The following TFB1M variants were observed in gnomAD, a reference collection of about 807,000 sequenced individuals.
TFB1M encodes the protein dimethyladenosine transferase 1, mitochondrial.
In TFB1M, 27 loss-of-function variants were observed where a neutral mutation model predicts 31.1. That is an observed-to-expected ratio of 0.87 (90% CI 0.64 to 1.20). The LOEUF is 1.20. TFB1M is among the 50% of genes most tolerant of loss of function. The pLI, the probability that TFB1M is intolerant of heterozygous loss-of-function variation, is 0.00. For synonymous variants in TFB1M, 166 were observed against 151.8 expected (o/e 1.09, Z -0.69); for missense variants, 394 against 418.7 (o/e 0.94, Z 0.51).
At position 155,258,040 on chromosome 6, in the gene TFB1M, C is replaced by T. The variant is rs770921485; in HGVS notation, c.837G>A (p.Arg279=). ...GGTCTATGTCTGCCAACTCTAACAG[C>T]CTGCCCGTGCTTTCCAAGCGCTGCG... The part of the protein sequence containing the change: ...PEAQRLESTG[R]LLELADIDPT... The change falls in exon 7 of 7, where the codon AGG becomes AGA. Residue 279 remains arginine (R), a synonymous_variant. Transcript: ENST00000367166. 35 of 1,614,200 alleles carry T rather than the reference C, an allele frequency of 2.2e-5. No individual in the cohort carries two copies. The highest frequency in any genetic ancestry group is 4.5e-5 in the East Asian group (2 of 44,888).
intron 5 of TFB1M, among the ~76,000 whole-genome samples, chr6:155,267,426 G>A (rs1784708251): frequency 6.6e-6 from 1 of 152,220 alleles, no homozygotes; most frequent in African/African-American, 2.4e-5. Context: ...CAGACCAGGT[G>A]GTCTTCAGTA....
chr6:155,248,755 A>G, the TFB1M span, among the ~76,000 whole-genome samples: 5 of 152,254 alleles, frequency 3.3e-5, no homozygotes, highest in African/African-American at 1.2e-4. Context: ...TTGCAGTTTG[A>G]TAGTAAATAG....
intron 5 of TFB1M, among the ~76,000 whole-genome samples, chr6:155,264,548 A>G (rs1784533288): frequency 1.3e-5 from 2 of 152,238 alleles, no homozygotes. Flanking sequence ...TACCTATCCT[A>G]AAGTTTACAA....
chr6:155,276,940 C>T (rs1785255380), intron 5 of TFB1M, among the ~76,000 whole-genome samples: 1 of 152,234 alleles, frequency 6.6e-6, no homozygotes, highest in Admixed American at 6.5e-5. Context: ...TTTTAGAAAA[C>T]TATCTACATA....
chr6:155,279,271 C>A (rs1326270173), intron 5 of TFB1M, among the ~76,000 whole-genome samples: 3 of 149,892 alleles, frequency 2.0e-5, no homozygotes, highest in African/African-American at 7.4e-5. Flanking sequence ...CTGAAGAATT[C>A]ATCTAGTAAT....
intron 2 of TFB1M, among the ~76,000 whole-genome samples, chr6:155,307,681 T>C (rs1272422109): frequency 1.3e-5 from 2 of 152,150 alleles, no homozygotes; most frequent in Non-Finnish European, 2.9e-5. Context: ...ATTTTTAATA[T>C]ATGAAGCCTT....
chr6:155,244,720 C>G, the TFB1M span: 2 of 1,613,708 alleles, frequency 1.2e-6, no homozygotes, highest in Non-Finnish European at 1.7e-6. Flanking sequence ...TTCTGGAGAC[C>G]CTGGAGGATG....
At chr6:155,255,172 C>A (rs1009989607), downstream of TFB1M, 1 of 152,472 alleles carries the variant, frequency 6.6e-6, no homozygotes, top group African/African-American at 2.4e-5. Flanking sequence ...ACACTGAAGG[C>A]AGGCTAGGCT....
the TFB1M span, among the ~76,000 whole-genome samples, chr6:155,241,394 G>A: frequency 3.3e-5 from 5 of 152,180 alleles, no homozygotes; most frequent in South Asian, 2.1e-4. Context: ...CTGAAGCAGC[G>A]CGGCACGGTG....
intron 5 of TFB1M, among the ~76,000 whole-genome samples, chr6:155,269,662 G>T (rs1784836190): frequency 6.6e-6 from 1 of 152,148 alleles, no homozygotes; most frequent in Non-Finnish European, 1.5e-5. Context: ...TGCTAGGTTT[G>T]TCTTGAGAAT....
intron 3 of TFB1M, among the ~76,000 whole-genome samples, chr6:155,298,186 T>C (rs745900257): frequency 1.3e-5 from 2 of 152,234 alleles, no homozygotes; most frequent in Non-Finnish European, 2.9e-5. Flanking sequence ...CAAATAACAA[T>C]TGATAGTTTA....
chr6:155,238,170 A>G, the TFB1M span, among the ~76,000 whole-genome samples: 1 of 152,226 alleles, frequency 6.6e-6, no homozygotes, highest in Non-Finnish European at 1.5e-5. Flanking sequence ...ACAGATCTCT[A>G]GGGCAGGGGC....
downstream of TFB1M, chr6:155,254,412 C>G (rs1331213): frequency 0.37 from 589,051 of 1,608,798 alleles, 113,547 homozygotes; most frequent in Middle Eastern, 0.49. Context: ...TCTCCCCCCC[C>G]ACCCAGTGAC....
chr6:155,268,010 TGTAGAC>T (rs1235272031), intron 5 of TFB1M, among the ~76,000 whole-genome samples: 35 of 152,362 alleles, frequency 2.3e-4, no homozygotes, highest in East Asian at 1.7e-3. Context: ...GTTTTCAAAA[TGTAGAC>T]AGGAAATTTT....
intron 1 of TFB1M, among the ~76,000 whole-genome samples, chr6:155,312,216 T>C (rs981594086): frequency 2.0e-5 from 3 of 152,226 alleles, no homozygotes; most frequent in African/African-American, 7.2e-5. Context: ...TTCAACAACA[T>C]AACTTTGTCA....
At chr6:155,265,360 A>T (rs1784581603) in intron 5 of TFB1M, among the ~76,000 whole-genome samples, 1 of 152,260 alleles carries the variant, frequency 6.6e-6, no homozygotes. Context: ...TATTATTAAA[A>T]GACTGAGAAA....
Position 155,260,386 on chromosome 6 carries a change from C to T in TFB1M, c.681G>A (p.Val227=). The change falls in exon 6 of 7, where the codon GTG becomes GTA. Residue 227 remains valine (V), a synonymous_variant. Transcript: ENST00000367166. The stretch of plus-strand genomic sequence containing the variant: ...GCTGTATCAAGGGAGTGAAGTGCAC[C>T]ACGCCCACGTCCACCTTCGTTGTAA... ...FVPKPEVDVG[V]VHFTPLIQPK... is the part of the protein sequence containing the mutation. The T allele has an allele frequency of 6.2e-7, 1 of 1,614,204 alleles. No homozygotes were observed. The highest frequency in any genetic ancestry group is 8.5e-7 in the Non-Finnish European group (1 of 1,180,040).
chr6:155,244,137 T>G, the TFB1M span: 1 of 1,495,740 alleles, frequency 6.7e-7, no homozygotes, highest in Non-Finnish European at 9.3e-7. Context: ...CTGTTTGCCT[T>G]TTAGCAGAAC....
chr6:155,270,514 C>T (rs1204319161), intron 5 of TFB1M, among the ~76,000 whole-genome samples: 1 of 152,010 alleles, frequency 6.6e-6, no homozygotes, highest in East Asian at 1.9e-4. Context: ...AAGTTGCTTC[C>T]AGTTCAGAAG....
Sources: gnomAD v4.1 joint callset for allele counts (sites outside exome capture counted in the v4.1 genomes callset) on GRCh38, gnomAD v4.1.1 for gene constraint, MANE v1.5 for transcripts, NCBI Gene and HGNC (gene_info 2026-07-23, HGNC 2026-07-21) for gene names.